Variants in COL12A1 observed in about 807,000 individuals in gnomAD.
COL12A1 encodes the protein collagen alpha-1(XII) chain.
Under a neutral mutation model 349.7 loss-of-function variants are expected in COL12A1, and 114 were observed. The ratio of observed to expected loss-of-function variants is 0.33; its 90% CI spans 0.28 to 0.38. The LOEUF (loss-of-function observed/expected upper bound fraction) is 0.38. Among genes scored for constraint, COL12A1 ranks in the 10% least tolerant of loss-of-function variants. The pLI is 1.00. For missense variants in COL12A1, 3,284 were observed against 3,756.9 expected (o/e 0.87, Z 3.29); for synonymous variants, 1,369 against 1,329.0 (o/e 1.03, Z -0.66).
intron 9 of COL12A1, 41 bp from the exon 10 acceptor site, chr6:75,183,693 T>TAATCATTAA: frequency 6.4e-7 from 1 of 1,554,638 alleles, no homozygotes; most frequent in South Asian, 1.3e-5. Flanking sequence ...CAATACATAT[T>TAATCATTAA]AATCATTAAA....
At chr6:75,165,056 G>T (rs965321813) in intron 14 of COL12A1, among the ~76,000 whole-genome samples, 2 of 152,012 alleles carry the variant, frequency 1.3e-5, no homozygotes, top group Non-Finnish European at 2.9e-5. Flanking sequence ...CACTATGCTG[G>T]CCACTTTGTA....
rs1767410781 is a variant in COL12A1, at chr6:75,085,022, A to G, written c.*1525T>C. On this transcript the variant is annotated 3_prime_UTR_variant, in exon 66 of 66. Coordinates refer to ENST00000322507, the MANE Select transcript of COL12A1 (RefSeq NM_004370.6). The stretch of plus-strand genomic sequence containing the variant: ...AAATGTCTACAGACTGCGTGCTTGG[A>G]GCTAGGCTTCCTGCAGAAACAAGGT... The G allele has an allele frequency of 3.0e-6, 1 of 329,254 alleles. No homozygotes were observed. 20.4% of individuals were successfully genotyped at this position (329,254 alleles called of 1,614,324 possible).
At position 75,175,168 on chromosome 6, in the gene COL12A1, A is replaced by G. The variant is rs1320906784; in HGVS notation, c.2580T>C (p.Thr860=). The G allele has an allele frequency of 6.2e-7, 1 of 1,614,174 alleles. No homozygotes were observed. Among genetic ancestry groups the G allele is most frequent in the Admixed American group, 1.7e-5 (1 of 60,016 alleles). The change falls in exon 13 of 66, where the codon ACT becomes ACC. Residue 860 remains threonine (T), a synonymous_variant. Coordinates refer to ENST00000322507, the MANE Select transcript of COL12A1 (RefSeq NM_004370.6). ...PVAGGETQEV[T]VRGDTTNTVL... is the part of the protein sequence containing the mutation. The stretch of plus-strand genomic sequence containing the variant: ...CCGTATTGGTTGTATCTCCCCTCAC[A>G]GTGACCTCTTGAGTTTCACCCCCTG...
intron 64 of COL12A1, among the ~76,000 whole-genome samples, chr6:75,088,817 G>A (rs529620767): frequency 5.3e-5 from 8 of 151,896 alleles, no homozygotes; most frequent in South Asian, 4.2e-4. Context: ...TGGCTAACAC[G>A]GCAAAACCCC....
At chr6:75,195,338 A>T (rs903651910) in intron 2 of COL12A1, among the ~76,000 whole-genome samples, 1 of 152,200 alleles carries the variant, frequency 6.6e-6, no homozygotes, top group South Asian at 2.1e-4. Context: ...CATTTTGAAC[A>T]AGCATGCCAA....
chr6:75,125,039 T>G, intron 40 of COL12A1, 88 bp downstream of exon 40: 1 of 1,304,650 alleles, frequency 7.7e-7, no homozygotes, highest in Middle Eastern at 2.0e-4. Flanking sequence ...GAAACATGTA[T>G]ATGTTCAGAA....
Position 75,116,278 on chromosome 6 carries a change from A to T in COL12A1, c.7520-221T>A, listed in dbSNP as rs16886121. On this transcript the variant is annotated intron_variant, in intron 47 of 65. Coordinates refer to ENST00000322507, the MANE Select transcript of COL12A1 (RefSeq NM_004370.6). ...AACAAATATTTCCCTAACATTCTCT[A>T]ATCCAATTGGACTTTTACAGTACTC... 7.3e-3 allele frequency among the ~76,000 whole-genome samples: 1,109 copies of T among 152,220 alleles called. 18 individuals are homozygous for T. Among genetic ancestry groups the T allele is most frequent in the African/African-American group, 0.025 (1,042 of 41,552 alleles).
chr6:75,151,058 G>GGCCGGCC, intron 21 of COL12A1, 83 bp downstream of exon 21: 1 of 368,970 alleles, frequency 2.7e-6, no homozygotes, highest in East Asian at 5.1e-5. Context: ...ACAAAATAGT[G>GGCCGGCC]CCCTCCCCCC....
chr6:75,148,028 T>C (rs895309448), intron 22 of COL12A1, among the ~76,000 whole-genome samples: 1 of 152,182 alleles, frequency 6.6e-6, no homozygotes, highest in African/African-American at 2.4e-5. Flanking sequence ...TAAAAATAGA[T>C]CATCTTCAAT....
chr6:75,113,580 G>T (rs749025328), intron 50 of COL12A1, 22 bp downstream of exon 50: 8 of 1,595,076 alleles, frequency 5.0e-6, no homozygotes, highest in Non-Finnish European at 1.7e-6. Context: ...GTATGCATGT[G>T]CCTTAAGATA....
intron 55 of COL12A1, 67 bp from the exon 56 acceptor site, chr6:75,102,759 A>G (rs1768367427): frequency 3.1e-6 from 3 of 961,610 alleles, no homozygotes; most frequent in Non-Finnish European, 1.5e-6. Context: ...ACATTTAGTC[A>G]GACACTTGTC....
rs1398156545 is a variant in COL12A1 at position 75,117,324 on chromosome 6, CTAAG to C, written c.7519+54_7519+57del. ...CCCACAAAGGATATAGAATTGTCTA[CTAAG>C]TAATTGTTTTTCAGAATAAGTGAGG... On this transcript the variant is annotated intron_variant, in intron 47 of 65. Transcript: ENST00000322507. The C allele has an allele frequency of 7.1e-6, 11 of 1,554,354 alleles. No homozygotes were observed. In the African/African-American group the frequency reaches 1.1e-4, roughly 15 times the overall value.
In COL12A1 at chr6:75,175,201, G is replaced by A. The variant is rs1478902650; in HGVS notation, c.2547C>T (p.Thr849=). ...CTTGAGTTTCACCCCCTGCCACTGG[G>A]GTATATGTGACGAGATACTGTTTCA... ...GKVKQYLVTY[T]PVAGGETQEV... is the part of the protein sequence containing the mutation. The change falls in exon 13 of 66, where the codon ACC becomes ACT. Residue 849 remains threonine (T), a synonymous_variant. Coordinates refer to ENST00000322507, the MANE Select transcript of COL12A1 (RefSeq NM_004370.6). The A allele has an allele frequency of 1.2e-5, 19 of 1,613,934 alleles. No homozygotes were observed. Among genetic ancestry groups the A allele is most frequent in the Non-Finnish European group, 1.4e-5 (17 of 1,180,016 alleles).
In COL12A1 at chr6:75,087,677, G is replaced by A. The variant is rs760094440; in HGVS notation, c.9081C>T (p.Gly3027=). 1.2e-6 allele frequency: 2 copies of A among 1,609,152 alleles called. No individual in the cohort carries two copies. Among genetic ancestry groups the A allele is most frequent in the East Asian group, 4.5e-5 (2 of 44,752 alleles). ...TGSRGPPGPP[G]RPGNSGIRGP... The stretch of plus-strand genomic sequence containing the variant: ...CTCGGATACCTGAGTTTCCAGGACG[G>A]CCAGGGGGGCCAGGGGGACCTCTTG... Residue 3027 remains glycine, a synonymous_variant, in exon 65 of 66, where the codon GGC becomes GGT. Transcript: ENST00000322507.
intron 10 of COL12A1, among the ~76,000 whole-genome samples, chr6:75,181,825 A>G (rs1769314616): frequency 6.6e-6 from 1 of 151,974 alleles, no homozygotes; most frequent in Non-Finnish European, 1.5e-5. Context: ...TATGGGGGCT[A>G]ACGCCTATGA....
At chr6:75,143,156 A>G (rs1410765904) in intron 26 of COL12A1, 96 bp downstream of exon 26, 18 of 1,398,396 alleles carry the variant, frequency 1.3e-5, no homozygotes, top group Non-Finnish European at 1.7e-5. Flanking sequence ...AGTGACAAGT[A>G]TTCAAAACAT....
At chr6:75,088,713 A>G (rs76979570) in intron 64 of COL12A1, among the ~76,000 whole-genome samples, 3,409 of 152,164 alleles carry the variant, frequency 0.022, 128 homozygotes, top group East Asian at 0.19. Context: ...TAATAACAGG[A>G]TGAAGTTGGC....
At chr6:75,138,175 G>T in intron 30 of COL12A1, 145 bp downstream of exon 30, 1 of 890,252 alleles carries the variant, frequency 1.1e-6, no homozygotes, top group Non-Finnish European at 1.7e-6. Context: ...AGTTTTTCAA[G>T]AAAAGCCTAT....
At position 75,201,502 on chromosome 6, in the gene COL12A1, T is replaced by G. The variant is rs1384038017; in HGVS notation, c.73+1218A>C. On this transcript the variant is annotated intron_variant, in intron 2 of 65. Coordinates refer to ENST00000322507, the MANE Select transcript of COL12A1 (RefSeq NM_004370.6). ...AGAAACCTTGAAAACCTTGGCATAATCATGCAAACAACCATACTTTCTCAC... is the reference window on the plus strand; with the variant it reads ...AGAAACCTTGAAAACCTTGGCATAAGCATGCAAACAACCATACTTTCTCAC... Among the ~76,000 whole-genome samples, 3 of 152,152 alleles carry G rather than the reference T, an allele frequency of 2.0e-5. No homozygotes were observed. The East Asian group carries it at 5.8e-4, about 29-fold the overall frequency.
Sources: gnomAD v4.1 joint callset for allele counts (sites outside exome capture counted in the v4.1 genomes callset) on GRCh38, gnomAD v4.1.1 for gene constraint, MANE v1.5 for transcripts, NCBI Gene and HGNC (gene_info 2026-07-23, HGNC 2026-07-21) for gene names.